The following DPP8 variants were observed in gnomAD, a reference collection of about 807,000 sequenced individuals.
DPP8 encodes the protein DPP VIII.
In DPP8, 31 loss-of-function variants were observed where a neutral mutation model predicts 107.5. The observed-to-expected ratio is 0.29, with a 90% confidence interval of 0.22 to 0.39. The LOEUF (loss-of-function observed/expected upper bound fraction) is 0.39. Among genes scored for constraint, DPP8 ranks in the 10% least tolerant of loss-of-function variants. DPP8 has a pLI of 1.00. For synonymous variants in DPP8, 381 were observed against 356.6 expected (o/e 1.07, Z -0.77); for missense variants, 842 against 1,076.1 (o/e 0.78, Z 3.04).
chr15:65,487,153 C>CTT (rs201589433), intron 7 of DPP8, among the ~76,000 whole-genome samples: 1 of 147,178 alleles, frequency 6.8e-6, no homozygotes, highest in African/African-American at 2.5e-5. Context: ...AAGACACCTT[C>CTT]TTTTTTTTTT....
At position 65,474,303 on chromosome 15, in the gene DPP8, A is replaced by C. The variant is rs542507546; in HGVS notation, c.1457-15T>G. 1.3e-6 allele frequency: 2 copies of C among 1,546,336 alleles called. No homozygotes were observed. Among genetic ancestry groups the C allele is most frequent in the Non-Finnish European group, 1.8e-6 (2 of 1,118,564 alleles). On this transcript the variant is annotated splice_polypyrimidine_tract_variant and intron_variant, in intron 11 of 19. Transcript: ENST00000300141. ...CTTGAAATCACCTGAAGATAAATAT[A>C]ATTATAATTCAGTACATTATACCAG...
At chr15:65,482,901 C>A (rs1490989150) in intron 8 of DPP8, among the ~76,000 whole-genome samples, 1 of 150,974 alleles carries the variant, frequency 6.6e-6, no homozygotes, top group Non-Finnish European at 1.5e-5. Context: ...TCGAGACCAT[C>A]CTGGCTAACA....
chr15:65,487,465 T>G (rs1291329437), intron 7 of DPP8, among the ~76,000 whole-genome samples: 1 of 152,168 alleles, frequency 6.6e-6, no homozygotes, highest in Non-Finnish European at 1.5e-5. Context: ...TACCTTCTAA[T>G]TCATTCCTTG....
rs1001690974 is a variant in DPP8 at position 65,452,216 on chromosome 15, C to T, written c.2272-114G>A. 17 of 1,238,182 alleles carry T rather than the reference C, an allele frequency of 1.4e-5. No individual in the cohort carries two copies. In the African/African-American group the frequency reaches 2.5e-4, roughly 18 times the overall value. 76.7% of individuals were successfully genotyped at this position (1,238,182 alleles called of 1,614,324 possible). On this transcript the variant is annotated intron_variant, in intron 17 of 19. Transcript: ENST00000300141. The stretch of plus-strand genomic sequence containing the variant: ...AAATTATCCTTAAGCTTTAGCCTTA[C>T]TACTGGCGCATACATGTCTTAGGCA...
At chr15:65,466,250 T>A (rs942783906) in intron 14 of DPP8, among the ~76,000 whole-genome samples, 15 of 152,188 alleles carry the variant, frequency 9.9e-5, no homozygotes, top group African/African-American at 3.4e-4. Flanking sequence ...GTGATTCTCA[T>A]GCCTCAGCCT....
At position 65,467,201 on chromosome 15, in the gene DPP8, C is replaced by T. The variant is rs772390890; in HGVS notation, c.1559G>A (p.Arg520Lys). The T allele has an allele frequency of 1.9e-6, 3 of 1,614,148 alleles. No homozygotes were observed. In the East Asian group the frequency reaches 6.7e-5, roughly 36 times the overall value. Residue 520 changes from arginine to lysine, a missense_variant, in exon 13 of 20, where the codon AGG becomes AAG. By Grantham distance (26) the Arg-to-Lys change is conservative (BLOSUM62 2). Around this residue, in one of 2 missense-constraint regions of DPP8, gnomAD observed 663 missense variants for 758.0 expected, o/e 0.87. Coordinates refer to ENST00000300141, the MANE Select transcript of DPP8 (RefSeq NM_130434.5). ...GSNIQVDEVR[R>K]LVYFEGTKDS... ...TTTGGTGCCTTCAAAATATACCAGCCTTCTGACTTCATCAACTTGGATCTG... is the reference window on the plus strand; with the variant it reads ...TTTGGTGCCTTCAAAATATACCAGCTTTCTGACTTCATCAACTTGGATCTG...
intron 12 of DPP8, among the ~76,000 whole-genome samples, chr15:65,470,911 T>A (rs1338691803): frequency 3.2e-4 from 42 of 132,558 alleles, no homozygotes; most frequent in African/African-American, 1.2e-3. Context: ...AGAGTGAGAC[T>A]CTTATCTCAA....
chr15:65,487,134 T>C (rs2067519255), intron 7 of DPP8, among the ~76,000 whole-genome samples: 1 of 152,094 alleles, frequency 6.6e-6, no homozygotes, highest in Admixed American at 6.6e-5. Flanking sequence ...AAATCTGTAT[T>C]TGCTAGCAAA....
At chr15:65,463,631 A>T in intron 15 of DPP8, 130 bp downstream of exon 15, 1 of 697,404 alleles carries the variant, frequency 1.4e-6, no homozygotes, top group Non-Finnish European at 2.3e-6. Flanking sequence ...ATTGGAATAT[A>T]AGACGGAGTC....
intron 19 of DPP8, among the ~76,000 whole-genome samples, chr15:65,448,212 CTATT>C (rs2063613652): frequency 6.6e-6 from 1 of 151,634 alleles, no homozygotes; most frequent in Admixed American, 6.6e-5. Flanking sequence ...TAGTAAGACT[CTATT>C]TAAAAAAAAT....
intron 12 of DPP8, among the ~76,000 whole-genome samples, chr15:65,471,979 CTA>C (rs2065934970): frequency 6.6e-6 from 1 of 152,176 alleles, no homozygotes. Context: ...CATACCTCAA[CTA>C]TATGTGTCAC....
intron 17 of DPP8, among the ~76,000 whole-genome samples, chr15:65,452,452 CTTTT>C (rs901533865): frequency 6.8e-6 from 1 of 147,392 alleles, no homozygotes; most frequent in Non-Finnish European, 1.5e-5. Flanking sequence ...AAGGAGCCAC[CTTTT>C]TTTTTTAAGC....
chr15:65,488,037 T>C (rs2067608804), intron 6 of DPP8, among the ~76,000 whole-genome samples: 1 of 152,226 alleles, frequency 6.6e-6, no homozygotes, highest in Non-Finnish European at 1.5e-5. Context: ...AGATGATATG[T>C]ATACATATTT....
intron 7 of DPP8, among the ~76,000 whole-genome samples, chr15:65,486,433 C>T (rs1217057919): frequency 6.6e-6 from 1 of 151,556 alleles, no homozygotes; most frequent in African/African-American, 2.4e-5. Context: ...CCGCACCAGG[C>T]TGGTCGAGCT....
Position 65,466,726 on chromosome 15 carries a change from G to C in DPP8, c.1777C>G (p.Pro593Ala). 6.2e-7 allele frequency: 1 copy of C among 1,613,952 alleles called. No individual in the cohort carries two copies. The highest frequency in any genetic ancestry group is 1.7e-5 in the Admixed American group (1 of 59,982). ...LYKLSSPEDD[P>A]TCKTKEFWAT... ...CAAAATTCCTTTGTTTTGCAAGTTGGGTCATCTTCAGGACTTGATAGCTTG... is the reference window on the plus strand; with the variant it reads ...CAAAATTCCTTTGTTTTGCAAGTTGCGTCATCTTCAGGACTTGATAGCTTG... The change falls in exon 14 of 20, where the codon CCA (proline) becomes GCA (alanine). Residue 593 changes from proline to alanine, a missense_variant. Pro to Ala is a conservative substitution (Grantham distance 27). Around this residue, in one of 2 missense-constraint regions of DPP8, gnomAD observed 663 missense variants for 758.0 expected, o/e 0.87. Transcript: ENST00000300141.
intron 15 of DPP8, among the ~76,000 whole-genome samples, chr15:65,462,868 T>C (rs1209581701): frequency 6.6e-6 from 1 of 152,128 alleles, no homozygotes; most frequent in African/African-American, 2.4e-5. Flanking sequence ...CGTGAGCCAC[T>C]GCGCCTGGCC....
At chr15:65,512,693 C>A (rs949528469) in intron 1 of DPP8, 129 bp from the exon 2 acceptor site, 26 of 847,200 alleles carry the variant, frequency 3.1e-5, no homozygotes, top group Non-Finnish European at 4.8e-5. Context: ...AGCACAGCTG[C>A]AATGAAACTT....
intron 3 of DPP8, among the ~76,000 whole-genome samples, chr15:65,503,040 C>T (rs2069440660): frequency 6.6e-6 from 1 of 152,112 alleles, no homozygotes; most frequent in African/African-American, 2.4e-5. Context: ...CAAGCTGACC[C>T]TAGTAATATT....
intron 5 of DPP8, among the ~76,000 whole-genome samples, chr15:65,491,617 T>C (rs2068040492): frequency 6.6e-6 from 1 of 152,228 alleles, no homozygotes; most frequent in Admixed American, 6.5e-5. Flanking sequence ...TTGTTACATG[T>C]GTCAGTAGTT....
Sources: allele counts gnomAD v4.1 joint callset (sites outside exome capture counted in the v4.1 genomes callset), GRCh38; gene constraint gnomAD v4.1.1; regional missense constraint gnomAD v4.1.1; transcripts MANE v1.5; gene names NCBI Gene and HGNC (gene_info 2026-07-23, HGNC 2026-07-21).